EVI5L: variants seen among roughly 807,000 people sequenced by gnomAD.
EVI5L encodes EVI5-like protein.
In EVI5L, 30 loss-of-function variants were observed where a neutral mutation model predicts 106.1. The observed-to-expected ratio is 0.28, with a 90% CI of 0.21 to 0.38. The LOEUF (loss-of-function observed/expected upper bound fraction) is 0.38, where lower values mean the gene tolerates loss of function less well. Ranked by LOEUF, EVI5L falls within the 10% of genes least tolerant of loss-of-function variation. The pLI is 1.00. For missense variants in EVI5L, 809 were observed against 1,098.0 expected (o/e 0.74, Z 3.72); for synonymous variants, 489 against 483.3 (o/e 1.01, Z -0.15).
rs1315072768 is a variant in EVI5L, at chr19:7,863,409, G to A, written c.2140-15G>A. ...AAGGCCGGTCCACGCCTGCAGCGCC[G>A]GTCCCCCGCCCCAGGTGCGGCTGCT... On this transcript the variant is annotated splice_polypyrimidine_tract_variant and intron_variant, in intron 19 of 19. Coordinates refer to ENST00000538904, the MANE Select transcript of EVI5L (RefSeq NM_001159944.3). This position sits in a 1 kb window ranked among gnomAD's most constrained non-coding sequence, Gnocchi z 7.7. 18 of 1,531,502 alleles carry A rather than the reference G, an allele frequency of 1.2e-5. No homozygotes were observed. The highest frequency in any genetic ancestry group is 2.0e-5 in the Admixed American group (1 of 50,046). 94.9% of individuals were successfully genotyped at this position (1,531,502 alleles called of 1,614,324 possible).
At chr19:7,853,685 C>T (rs761564080) in intron 10 of EVI5L, 4 of 322,830 alleles carry the variant, frequency 1.2e-5, no homozygotes, top group Non-Finnish European at 2.4e-5. Flanking sequence ...GCAGAGGCTC[C>T]GGGCCCAGGG....
chr19:7,839,035 G>A lies in EVI5L; in HGVS notation c.-47-7461G>A, dbSNP rs147900608. The stretch of plus-strand genomic sequence containing the variant: ...AAAAAATCCTTGGCCAGGCACGGTG[G>A]CTCACGCCTGTAATCTCAGAACTTT... On this transcript the variant is annotated intron_variant, in intron 1 of 19. Transcript: ENST00000538904. 1.9e-4 allele frequency among the ~76,000 whole-genome samples: 29 copies of A among 151,184 alleles called. No individual in the cohort carries two copies. In the East Asian group the frequency reaches 5.3e-3, roughly 28 times the overall value.
chr19:7,856,488 G>A lies in EVI5L; in HGVS notation c.1200+420G>A, dbSNP rs187481293. ...AAAGGAAACCCAGTGGAGGAGAAGC[G>A]TGGCGCCATGGTGGGGAGCCACAGC... On this transcript the variant is annotated intron_variant, in intron 11 of 19. Transcript: ENST00000538904. This position sits in a 1 kb window ranked among gnomAD's most constrained non-coding sequence, Gnocchi z 6.6. Among the ~76,000 whole-genome samples the A allele has an allele frequency of 2.0e-5, 3 of 152,150 alleles. No individual in the cohort carries two copies. In the East Asian group the frequency reaches 5.8e-4, roughly 30 times the overall value.
chr19:7,857,152 G>A lies in EVI5L; in HGVS notation c.1233+28G>A. On this transcript the variant is annotated intron_variant, in intron 12 of 19. Transcript: ENST00000538904. This position sits in a 1 kb window ranked among gnomAD's most constrained non-coding sequence, Gnocchi z 4.5. ...ACTGTAGCTTTTTATCCCCTCTCCG[G>A]ATTCCTTCCTGGCCCCTTCCCTGCA... The A allele has an allele frequency of 6.4e-7, 1 of 1,551,276 alleles. No individual in the cohort carries two copies. Among genetic ancestry groups the A allele is most frequent in the Non-Finnish European group, 8.7e-7 (1 of 1,146,976 alleles).
At chr19:7,842,663 A>C (rs994717545) in intron 1 of EVI5L, among the ~76,000 whole-genome samples, 37 of 151,446 alleles carry the variant, frequency 2.4e-4, no homozygotes, top group African/African-American at 9.0e-4. Context: ...TTATGTATCA[A>C]GTGTGTGCAT....
intron 1 of EVI5L, among the ~76,000 whole-genome samples, chr19:7,841,903 G>A (rs1175020549): frequency 6.6e-6 from 1 of 152,220 alleles, no homozygotes; most frequent in Non-Finnish European, 1.5e-5. Context: ...CAGTGGGAGG[G>A]GTGCAGGGTC....
Position 7,862,209 on chromosome 19 carries a change from C to T in EVI5L, c.1732C>T (p.Leu578=). 1 of 1,573,312 alleles carries T rather than the reference C, an allele frequency of 6.4e-7. No individual in the cohort carries two copies. Among genetic ancestry groups the T allele is most frequent in the Non-Finnish European group, 8.6e-7 (1 of 1,161,828 alleles). The change falls in exon 16 of 20, where the codon CTG becomes TTG. Residue 578 remains leucine (L), a synonymous_variant. Transcript: ENST00000538904. ...ELQDELMSVR[L]REAQALAEGR... is the part of the protein sequence containing the mutation. ...GCAGGACGAGCTGATGAGCGTGCGT[C>T]TGCGCGAGGCCCAGGCCCTGGCCGA... is the stretch of plus-strand genomic sequence containing the variant.
intron 14 of EVI5L, 43 bp downstream of exon 14, chr19:7,860,732 G>A: frequency 1.3e-6 from 2 of 1,524,732 alleles, no homozygotes; most frequent in Non-Finnish European, 1.8e-6. Context: ...GGGGACCCTG[G>A]GGCACAGGAG....
At chr19:7,833,041 T>C (rs1978300476) in intron 1 of EVI5L, among the ~76,000 whole-genome samples, 1 of 152,168 alleles carries the variant, frequency 6.6e-6, no homozygotes, top group Non-Finnish European at 1.5e-5. Flanking sequence ...CAGTGGGGTA[T>C]GAAGGCTTCC....
intron 17 of EVI5L, 130 bp downstream of exon 17, chr19:7,862,664 C>T (rs1454618976): frequency 3.7e-6 from 3 of 821,458 alleles, no homozygotes; most frequent in Admixed American, 4.4e-5. Context: ...GGTCCTCCCG[C>T]CCCCGCCCGC....
rs750984073 is a variant in EVI5L at position 7,856,502 on chromosome 19, G to A, written c.1200+434G>A. On this transcript the variant is annotated intron_variant, in intron 11 of 19. Coordinates refer to ENST00000538904, the MANE Select transcript of EVI5L (RefSeq NM_001159944.3). This position sits in a 1 kb window ranked among gnomAD's most constrained non-coding sequence, Gnocchi z 6.6. ...GGAGGAGAAGCGTGGCGCCATGGTG[G>A]GGAGCCACAGCCCGGACTCTGCTCC... is the stretch of plus-strand genomic sequence containing the variant. Among the ~76,000 whole-genome samples the A allele has an allele frequency of 2.0e-5, 3 of 152,022 alleles. No individual in the cohort carries two copies. Among genetic ancestry groups the A allele is most frequent in the Non-Finnish European group, 4.4e-5 (3 of 67,990 alleles).
chr19:7,843,351 T>C (rs567775749), intron 1 of EVI5L, among the ~76,000 whole-genome samples: 29 of 145,090 alleles, frequency 2.0e-4, no homozygotes, highest in African/African-American at 7.1e-4. Flanking sequence ...TGTGTATAGG[T>C]GTGTGAGTGT....
chr19:7,843,510 AGT>A lies in EVI5L; in HGVS notation c.-47-2978_-47-2977del, dbSNP rs774352688. On this transcript the variant is annotated intron_variant, in intron 1 of 19. Coordinates refer to ENST00000538904, the MANE Select transcript of EVI5L (RefSeq NM_001159944.3). ...AAGTGTGCATGTGTATAGGTGTATG[AGT>A]GTGTGTGAGAATAGGCATGGGTGTG... 1.3e-3 allele frequency among the ~76,000 whole-genome samples: 63 copies of A among 50,256 alleles called. 1 individual carries two copies. The highest frequency in any genetic ancestry group is 6.3e-3 in the East Asian group (10 of 1,598). The allele number at this position is 50,256 out of a possible 152,430, so 33.0% of individuals were successfully genotyped here. A position where few individuals can be genotyped will look rare whatever the true frequency, so the allele number is the denominator to read the frequency against.
At position 7,850,097 on chromosome 19, in the gene EVI5L, T is replaced by A; in HGVS notation, c.728T>A (p.Ile243Asn). 6.2e-7 allele frequency: 1 copy of A among 1,605,322 alleles called. No homozygotes were observed. Among genetic ancestry groups the A allele is most frequent in the Non-Finnish European group, 8.5e-7 (1 of 1,176,458 alleles). ...KPSMAELGLC[I>N]YQFEYMLQEQ... ...AGCATGGCCGAGCTCGGGCTCTGCA[T>A]CTATCAGTTCGAGTACATGCTGCAG... is the stretch of plus-strand genomic sequence containing the variant. Residue 243 changes from isoleucine to asparagine, a missense_variant, in exon 6 of 20, where the codon ATC becomes AAC. By Grantham distance (149) the Ile-to-Asn change is moderately radical. Coordinates refer to ENST00000538904, the MANE Select transcript of EVI5L (RefSeq NM_001159944.3). This position sits in a 1 kb window ranked among gnomAD's most constrained non-coding sequence, Gnocchi z 5.4.
At chr19:7,859,896 G>A (rs1052360597) in intron 13 of EVI5L, among the ~76,000 whole-genome samples, 3 of 152,236 alleles carry the variant, frequency 2.0e-5, no homozygotes, top group African/African-American at 7.2e-5. Flanking sequence ...CCCACAGGAA[G>A]AGGATGGTGG....
chr19:7,844,329 CT>C (rs1299501871), intron 1 of EVI5L, among the ~76,000 whole-genome samples: 2 of 66,798 alleles, frequency 3.0e-5, no homozygotes, highest in African/African-American at 9.0e-5. Flanking sequence ...GAGACTCCGT[CT>C]CAAAAAAAAA....
intron 1 of EVI5L, among the ~76,000 whole-genome samples, chr19:7,834,266 G>T (rs2146409803): frequency 6.6e-6 from 1 of 152,320 alleles, no homozygotes. Context: ...AGAGCTTGCA[G>T]TGAGCCAAGA....
rs1435734200 is a variant in EVI5L at position 7,849,015 on chromosome 19, C to G, written c.422C>G (p.Ser141Cys). 3 of 1,613,664 alleles carry G rather than the reference C, an allele frequency of 1.9e-6. No individual in the cohort carries two copies. The Admixed American group carries it at 5.0e-5, about 27-fold the overall frequency. ...GACATGCCCGTCAAGAACCAGTACT[C>G]CGAGCTGCTCAAGATGTCCTCGCCG... ...ATDMPVKNQYSELLKMSSPCE... is the reference protein window; with the variant it reads ...ATDMPVKNQYCELLKMSSPCE... Residue 141 changes from serine to cysteine, a missense_variant, in exon 4 of 20, where the codon TCC becomes TGC. By Grantham distance (112) the Ser-to-Cys change is moderately radical. Coordinates refer to ENST00000538904, the MANE Select transcript of EVI5L (RefSeq NM_001159944.3).
rs1000784579 is a variant in EVI5L at position 7,848,073 on chromosome 19, A to T, written c.327+152A>T. 1.2e-6 allele frequency: 1 copy of T among 851,194 alleles called. No homozygotes were observed. The highest frequency in any genetic ancestry group is 1.7e-5 in the African/African-American group (1 of 58,632). 52.7% of individuals were successfully genotyped at this position (851,194 alleles called of 1,614,324 possible). A position where few individuals can be genotyped will look rare whatever the true frequency, so the allele number is the denominator to read the frequency against. On this transcript the variant is annotated intron_variant, in intron 3 of 19. Transcript: ENST00000538904. The surrounding 1 kb of genome is among the most constrained non-coding windows in gnomAD (Gnocchi z 4.8). ...GCAGGCACTTTCAGGGTGTCCTGCC[A>T]GAGCACAGGGACAGGAGAGAGTGAG... is the stretch of plus-strand genomic sequence containing the variant.
Sources: gnomAD v4.1 joint callset for allele counts (sites outside exome capture counted in the v4.1 genomes callset) on GRCh38, gnomAD v4.1.1 for gene constraint, Gnocchi (gnomAD v3.1) non-coding constraint, MANE v1.5 for transcripts, NCBI Gene and HGNC (gene_info 2026-07-23, HGNC 2026-07-21) for gene names.